SNX29: variants seen among roughly 807,000 people sequenced by gnomAD.
The protein encoded by SNX29 is sorting nexin-29.
In SNX29, 78 loss-of-function variants were observed where a neutral mutation model predicts 102.1. That is an observed-to-expected ratio of 0.76 (90% CI 0.64 to 0.92). The LOEUF (loss-of-function observed/expected upper bound fraction) is 0.92, where lower values mean the gene tolerates loss of function less well. SNX29 is among the 40% of genes least tolerant of loss of function. The pLI, the probability that SNX29 is intolerant of heterozygous loss-of-function variation, is 0.00. For missense variants in SNX29, 1,280 were observed against 1,061.7 expected (o/e 1.21, Z -2.86); for synonymous variants, 580 against 414.5 (o/e 1.40, Z -4.85).
chr16:12,116,987 A>C (rs372828170), intron 11 of SNX29, among the ~76,000 whole-genome samples: 1 of 141,138 alleles, frequency 7.1e-6, no homozygotes, highest in African/African-American at 2.7e-5. Flanking sequence ...CGGATGAACC[A>C]TGGAAACAGG....
chr16:12,139,724 C>T (rs1330370618), intron 13 of SNX29, among the ~76,000 whole-genome samples: 1 of 152,054 alleles, frequency 6.6e-6, no homozygotes, highest in African/African-American at 2.4e-5. Context: ...CAGTGGCTCA[C>T]GCCTATAATC....
At chr16:12,359,861 T>C (rs761320462) in intron 16 of SNX29, among the ~76,000 whole-genome samples, 1 of 152,246 alleles carries the variant, frequency 6.6e-6, no homozygotes, top group African/African-American at 2.4e-5. Context: ...TCATGCTGTA[T>C]CGCCCAGGCT....
At chr16:12,021,290 G>T (rs373538682) in intron 3 of SNX29, among the ~76,000 whole-genome samples, 2 of 152,026 alleles carry the variant, frequency 1.3e-5, no homozygotes, top group East Asian at 1.9e-4. Flanking sequence ...GCTGGGCATG[G>T]TGGTGCACAC....
In SNX29 at chr16:12,059,352, G is replaced by A. The variant is rs1315243974; in HGVS notation, c.1125-2176G>A. ...CAGTGGCCAGGTCAGAGCCTCAGGA[G>A]GGCGCCTCTTGACAGATTCCAGAGG... On this transcript the variant is annotated intron_variant, in intron 8 of 20. Transcript: ENST00000566228. Among the ~76,000 whole-genome samples, 4 of 152,200 alleles carry A rather than the reference G, an allele frequency of 2.6e-5. No homozygotes were observed. In the South Asian group the frequency reaches 6.2e-4, roughly 24 times the overall value.
rs906027864 is a variant in SNX29, at chr16:12,102,513, G to A, written c.1402+23598G>A. Among the ~76,000 whole-genome samples the A allele has an allele frequency of 2.6e-5, 4 of 152,216 alleles. No individual in the cohort carries two copies. In the East Asian group the frequency reaches 7.7e-4, roughly 29 times the overall value. ...GGTTTTGATTTGCATTTCTCTAATGGCCAGTGATGATGAGCTTTTTTTCAT... is the reference window on the plus strand; with the variant it reads ...GGTTTTGATTTGCATTTCTCTAATGACCAGTGATGATGAGCTTTTTTTCAT... On this transcript the variant is annotated intron_variant, in intron 11 of 20. Coordinates refer to ENST00000566228, the MANE Select transcript of SNX29 (RefSeq NM_032167.5).
chr16:12,443,299 C>T (rs1438835418), intron 18 of SNX29: 1 of 200,680 alleles, frequency 5.0e-6, no homozygotes, highest in Non-Finnish European at 1.0e-5. Context: ...ACTACTCTAC[C>T]AACCCCTGGC....
intron 19 of SNX29, among the ~76,000 whole-genome samples, chr16:12,516,511 G>A (rs1031283524): frequency 1.3e-5 from 2 of 149,218 alleles, no homozygotes; most frequent in African/African-American, 4.9e-5. Flanking sequence ...GGTGCAGGAT[G>A]GAATCTCATA....
At chr16:12,191,705 G>A (rs1283751940) in intron 13 of SNX29, among the ~76,000 whole-genome samples, 1 of 152,168 alleles carries the variant, frequency 6.6e-6, no homozygotes, top group Non-Finnish European at 1.5e-5. Context: ...GTACAGTTAG[G>A]GAAAAATGGT....
At chr16:12,234,970 G>A (rs928887155) in intron 14 of SNX29, among the ~76,000 whole-genome samples, 1 of 152,054 alleles carries the variant, frequency 6.6e-6, no homozygotes, top group Non-Finnish European at 1.5e-5. Flanking sequence ...TCTTCTCTGA[G>A]TGTGTGTATG....
At chr16:12,332,417 G>T (rs536890650) in intron 15 of SNX29, among the ~76,000 whole-genome samples, 1 of 152,300 alleles carries the variant, frequency 6.6e-6, no homozygotes, top group African/African-American at 2.4e-5. Flanking sequence ...AGTCGTGCCT[G>T]TTAGGAAAGG....
chr16:12,276,655 G>A (rs1373173751), intron 14 of SNX29, among the ~76,000 whole-genome samples: 1 of 152,206 alleles, frequency 6.6e-6, no homozygotes, highest in African/African-American at 2.4e-5. Context: ...TTTGAGGCTT[G>A]AGGCTAATCC....
chr16:12,199,245 C>T (rs554318936), intron 13 of SNX29, among the ~76,000 whole-genome samples: 1 of 152,318 alleles, frequency 6.6e-6, no homozygotes, highest in East Asian at 1.9e-4. Context: ...TCAGTACATG[C>T]TTCTGCAAAT....
chr16:12,553,347 C>T (rs1008348218), intron 20 of SNX29, among the ~76,000 whole-genome samples: 2 of 152,198 alleles, frequency 1.3e-5, no homozygotes, highest in African/African-American at 2.4e-5. Context: ...GAGAAACCAG[C>T]TCGTCTTCTC....
rs143915174 is a variant in SNX29, at chr16:12,155,377, C to A, written c.1595+25619C>A. 2.6e-5 allele frequency among the ~76,000 whole-genome samples: 4 copies of A among 152,264 alleles called. No homozygotes were observed. In the East Asian group the frequency reaches 5.8e-4, roughly 22 times the overall value. Reference sequence around the variant, plus strand: ...GCAAGCCACTGGGAGGAGCAGCTCACGTGAAGAGCCACAGAATGTTTCTCT... The same window carrying A: ...GCAAGCCACTGGGAGGAGCAGCTCAAGTGAAGAGCCACAGAATGTTTCTCT... On this transcript the variant is annotated intron_variant, in intron 13 of 20. Transcript: ENST00000566228.
In SNX29 at chr16:12,221,472, G is replaced by A. The variant is rs546727531; in HGVS notation, c.1678+21789G>A. On this transcript the variant is annotated intron_variant, in intron 14 of 20. Coordinates refer to ENST00000566228, the MANE Select transcript of SNX29 (RefSeq NM_032167.5). ...TCTACTAAAAATACAAAATTAGCTG[G>A]GCATGGTGGCACACATCTGTAATTG... Among the ~76,000 whole-genome samples the A allele has an allele frequency of 9.2e-5, 14 of 152,264 alleles. No individual in the cohort carries two copies. In the East Asian group the frequency reaches 1.7e-3, roughly 19 times the overall value.
intron 15 of SNX29, among the ~76,000 whole-genome samples, chr16:12,287,467 A>T (rs2079636724): frequency 6.6e-6 from 1 of 151,954 alleles, no homozygotes; most frequent in Non-Finnish European, 1.5e-5. Context: ...ATAGTTATCA[A>T]CTCTTGTCCA....
chr16:12,481,477 CACACATATATAT>C (rs1487536212), intron 19 of SNX29, among the ~76,000 whole-genome samples: 2 of 130,944 alleles, frequency 1.5e-5, no homozygotes. Flanking sequence ...CACATATATA[CACACATATATAT>C]ACACATATGT....
intron 9 of SNX29, among the ~76,000 whole-genome samples, chr16:12,066,532 T>G (rs2051046219): frequency 6.6e-6 from 1 of 152,090 alleles, no homozygotes; most frequent in Non-Finnish European, 1.5e-5. Context: ...TCAAGACAGG[T>G]CTGGGCTAGA....
chr16:12,557,780 C>T (rs1366328003), intron 20 of SNX29: 2 of 152,212 alleles, frequency 1.3e-5, no homozygotes, highest in Admixed American at 6.5e-5. Context: ...TTTTCAGCTC[C>T]ATCACGATCT....
Sources: allele counts gnomAD v4.1 joint callset (sites outside exome capture counted in the v4.1 genomes callset), GRCh38; gene constraint gnomAD v4.1.1; transcripts MANE v1.5; gene names NCBI Gene and HGNC (gene_info 2026-07-23, HGNC 2026-07-21).